Variants in CMSS1 observed in about 807,000 individuals in gnomAD.
CMSS1 encodes protein CMSS1.
In CMSS1, 33 loss-of-function variants were observed where a neutral mutation model predicts 43.5. The observed-to-expected ratio is 0.76, with a 90% CI of 0.57 to 1.01. The LOEUF is 1.01. Ranked by LOEUF, CMSS1 falls within the 50% of genes least tolerant of loss-of-function variation. The pLI is 0.00. For synonymous variants in CMSS1, 115 were observed against 117.2 expected, an observed-to-expected ratio of 0.98 and a Z score of 0.12; for missense variants, 313 against 326.4, an observed-to-expected ratio of 0.96 and a Z score of 0.32.
intron 1 of CMSS1, among the ~76,000 whole-genome samples, chr3:100,103,392 C>T (rs1049643305): frequency 3.3e-5 from 5 of 152,216 alleles, no homozygotes; most frequent in African/African-American, 1.2e-4. Context: ...GGCTGCCACA[C>T]AAGTACTGGC....
At chr3:99,872,931 A>T (rs993316859) in intron 1 of CMSS1, among the ~76,000 whole-genome samples, 148 of 149,336 alleles carry the variant, frequency 9.9e-4, no homozygotes, top group East Asian at 7.8e-3. Context: ...TTTTTTTTTT[A>T]AAAAAAGGAG....
intron 1 of CMSS1, among the ~76,000 whole-genome samples, chr3:99,963,121 A>T (rs1325003500): frequency 1.3e-5 from 2 of 152,214 alleles, no homozygotes; most frequent in Admixed American, 1.3e-4. Context: ...AGGGTAAAAT[A>T]ATTAGGATAA....
rs151252636 is a variant in CMSS1, at chr3:99,825,710, C to T, written c.64+7667C>T. On this transcript the variant is annotated intron_variant, in intron 1 of 9. Transcript: ENST00000421999. ...AAGGCCTATACATAACTTCCATTTC[C>T]TCCCTCAGATTCAATAATAATATAT... Among the ~76,000 whole-genome samples, 1,110 of 151,790 alleles carry T rather than the reference C, an allele frequency of 7.3e-3. 16 individuals carry two copies. Among genetic ancestry groups the T allele is most frequent in the Non-Finnish European group, 9.8e-3 (665 of 67,962 alleles).
intron 1 of CMSS1, among the ~76,000 whole-genome samples, chr3:99,976,295 G>A (rs192043626): frequency 1.5e-3 from 222 of 152,232 alleles, no homozygotes; most frequent in African/African-American, 4.1e-3. Context: ...TATGCTACGC[G>A]TTCCTGCTTA....
At chr3:100,078,783 C>T (rs1214121646) in intron 1 of CMSS1, among the ~76,000 whole-genome samples, 5 of 152,020 alleles carry the variant, frequency 3.3e-5, no homozygotes, top group African/African-American at 1.2e-4. Flanking sequence ...CCAAGCTACT[C>T]GGGAGGCTAA....
intron 1 of CMSS1, among the ~76,000 whole-genome samples, chr3:100,050,958 T>C (rs968662551): frequency 2.0e-5 from 3 of 152,220 alleles, no homozygotes; most frequent in Non-Finnish European, 4.4e-5. Context: ...GTCAGCTCTA[T>C]AATGCCCTCT....
intron 1 of CMSS1, among the ~76,000 whole-genome samples, chr3:100,043,380 G>A (rs754536032): frequency 2.0e-5 from 3 of 152,018 alleles, no homozygotes; most frequent in Non-Finnish European, 4.4e-5. Flanking sequence ...TGTTTCCTTC[G>A]TTCTTGAATC....
At chr3:99,948,744 A>G (rs1708089288) in intron 1 of CMSS1, among the ~76,000 whole-genome samples, 1 of 151,490 alleles carries the variant, frequency 6.6e-6, no homozygotes, top group African/African-American at 2.4e-5. Context: ...AAGGAAAGGA[A>G]AAAAGAGGAA....
intron 1 of CMSS1, among the ~76,000 whole-genome samples, chr3:99,876,877 T>A (rs1156589068): frequency 6.6e-6 from 1 of 152,220 alleles, no homozygotes; most frequent in African/African-American, 2.4e-5. Flanking sequence ...GAAAAAATTT[T>A]TAAAGAAATT....
intron 1 of CMSS1, among the ~76,000 whole-genome samples, chr3:99,901,982 G>A (rs969074076): frequency 6.6e-6 from 1 of 152,036 alleles, no homozygotes; most frequent in Non-Finnish European, 1.5e-5. Context: ...AAAACACAGA[G>A]TGTTTTTTTC....
Position 100,178,575 on chromosome 3 carries a change from A to G in CMSS1, c.*187A>G, listed in dbSNP as rs2067166642. 1 of 523,602 alleles carries G rather than the reference A, an allele frequency of 1.9e-6. No homozygotes were observed. The highest frequency in any genetic ancestry group is 3.4e-6 in the Non-Finnish European group (1 of 293,464). 32.4% of individuals were successfully genotyped at this position (523,602 alleles called of 1,614,324 possible). On this transcript the variant is annotated 3_prime_UTR_variant, in exon 10 of 10. Coordinates refer to ENST00000421999, the MANE Select transcript of CMSS1 (RefSeq NM_032359.4). ...ACTGTCCTTTTGACAACTCTCTTAT[A>G]TAATAAAGTATCACCGGCTTGTGTA...
intron 9 of CMSS1, 148 bp from the exon 10 acceptor site, chr3:100,178,157 G>A (rs1010198131): frequency 2.0e-6 from 1 of 503,470 alleles, no homozygotes; most frequent in Non-Finnish European, 3.6e-6. Context: ...TTTCAACTCT[G>A]AATCAAATGT....
chr3:100,139,775 C>T (rs370547423), intron 1 of CMSS1, among the ~76,000 whole-genome samples: 23 of 136,170 alleles, frequency 1.7e-4, no homozygotes, highest in African/African-American at 5.6e-4. Context: ...CCAGCCTGGG[C>T]GACGAGAGCA....
At chr3:99,905,144 T>G (rs1706571965) in intron 1 of CMSS1, among the ~76,000 whole-genome samples, 1 of 152,230 alleles carries the variant, frequency 6.6e-6, no homozygotes. Context: ...CCTAGATAGC[T>G]TATCCCCCTT....
At chr3:100,041,435 C>G (rs1029162260) in intron 1 of CMSS1, 2 of 152,088 alleles carry the variant, frequency 1.3e-5, no homozygotes, top group Non-Finnish European at 2.9e-5. Context: ...TGAGCTTTTT[C>G]TTTATGTGCA....
At chr3:99,848,868 T>C in intron 1 of CMSS1, 1 of 1,614,170 alleles carries the variant, frequency 6.2e-7, no homozygotes, top group Non-Finnish European at 8.5e-7. Flanking sequence ...CACAGTTCGG[T>C]ATCACTGCAG....
chr3:99,926,900 A>T (rs1022156963), intron 1 of CMSS1, among the ~76,000 whole-genome samples: 10 of 152,150 alleles, frequency 6.6e-5, no homozygotes, highest in Admixed American at 1.3e-4. Context: ...TGACCCCCTA[A>T]GTGGTCTCCC....
intron 7 of CMSS1, 28 bp from the exon 8 acceptor site, chr3:100,172,288 T>C: frequency 6.2e-7 from 1 of 1,601,994 alleles, no homozygotes. Flanking sequence ...TGACTTCCTT[T>C]TCTTTCTTCT....
intron 1 of CMSS1, among the ~76,000 whole-genome samples, chr3:99,919,285 G>A (rs759527949): frequency 1.7e-4 from 25 of 151,376 alleles, no homozygotes; most frequent in South Asian, 1.1e-3. Flanking sequence ...TTTTCTACCC[G>A]TCATGAACTC....
Sources: gnomAD v4.1 joint callset for allele counts (sites outside exome capture counted in the v4.1 genomes callset) on GRCh38, gnomAD v4.1.1 for gene constraint, MANE v1.5 for transcripts, NCBI Gene and HGNC (gene_info 2026-07-23, HGNC 2026-07-21) for gene names.